ZGPAT: variants seen among roughly 807,000 people sequenced by gnomAD.
The protein encoded by ZGPAT is zinc finger CCCH-type and G-patch domain containing, also known as zinc finger CCCH-type with G patch domain-containing protein.
In ZGPAT, 39 loss-of-function variants were observed where a neutral mutation model predicts 47.9. That is an observed-to-expected ratio of 0.81 (90% confidence interval 0.63 to 1.06). ZGPAT has a LOEUF of 1.06. ZGPAT is among the 50% of genes least tolerant of loss of function. The pLI is 0.00. For missense variants in ZGPAT, 717 were observed against 681.4 expected, an observed-to-expected ratio of 1.05 and a Z score of -0.58; for synonymous variants, 348 against 292.9, an observed-to-expected ratio of 1.19 and a Z score of -1.92.
At chr20:63,722,570 G>T (rs941775287) in intron 2 of ZGPAT, among the ~76,000 whole-genome samples, 2 of 152,116 alleles carry the variant, frequency 1.3e-5, no homozygotes, top group African/African-American at 4.8e-5. Context: ...TTGCTCTAGA[G>T]ATGACAATGT....
At chr20:63,733,002 ATGTGCATG>A (rs1221067453) in intron 2 of ZGPAT, among the ~76,000 whole-genome samples, 2,027 of 149,222 alleles carry the variant, frequency 0.014, 22 homozygotes, top group Middle Eastern at 0.065. Context: ...GCGTGTGTAT[ATGTGCATG>A]TGTGTATGTG....
At chr20:63,712,586 T>C (rs1284765816) in intron 2 of ZGPAT, among the ~76,000 whole-genome samples, 4 of 129,776 alleles carry the variant, frequency 3.1e-5, no homozygotes, top group African/African-American at 5.7e-5. Context: ...TTGGGGCACA[T>C]TGTCATCTTT....
chr20:63,722,988 C>T (rs1467160644), intron 2 of ZGPAT, among the ~76,000 whole-genome samples: 10 of 152,212 alleles, frequency 6.6e-5, no homozygotes, highest in African/African-American at 2.4e-4. Flanking sequence ...TGACATAGTT[C>T]CCCCTCCATT....
intron 2 of ZGPAT, among the ~76,000 whole-genome samples, chr20:63,731,797 T>G (rs1220874233): frequency 6.6e-6 from 1 of 152,146 alleles, no homozygotes; most frequent in Non-Finnish European, 1.5e-5. Context: ...TCAACCAATC[T>G]CGAGTTGAAA....
upstream of ZGPAT, chr20:63,707,467 C>T (rs2091544055): frequency 1.1e-5 from 2 of 179,942 alleles, no homozygotes; most frequent in South Asian, 2.5e-4. Context: ...TGCAGCCCCG[C>T]CTGGGCCACG....
chr20:63,723,707 T>A (rs186874013), intron 2 of ZGPAT, among the ~76,000 whole-genome samples: 102 of 152,388 alleles, frequency 6.7e-4, no homozygotes, highest in Middle Eastern at 3.4e-3. Flanking sequence ...CATGTATTAT[T>A]GCCATATATA....
intron 2 of ZGPAT, among the ~76,000 whole-genome samples, chr20:63,725,801 C>T (rs1384418950): frequency 6.9e-6 from 1 of 144,000 alleles, no homozygotes; most frequent in Non-Finnish European, 1.5e-5. Context: ...TCTCCTTATT[C>T]CTCAAACTGG....
intron 4 of ZGPAT, chr20:63,733,962 G>A: frequency 1.7e-6 from 1 of 596,920 alleles, no homozygotes; most frequent in South Asian, 2.1e-5. Flanking sequence ...ATTGATGGGA[G>A]GCCATGGTCG....
At chr20:63,723,481 C>T (rs112602939) in intron 2 of ZGPAT, among the ~76,000 whole-genome samples, 3 of 141,358 alleles carry the variant, frequency 2.1e-5, no homozygotes, top group African/African-American at 5.3e-5. Flanking sequence ...TCTGACATAG[C>T]TCCATCCTCC....
At chr20:63,726,605 C>G (rs377016207) in intron 2 of ZGPAT, among the ~76,000 whole-genome samples, 1 of 152,138 alleles carries the variant, frequency 6.6e-6, no homozygotes, top group African/African-American at 2.4e-5. Flanking sequence ...TCACTGCAAC[C>G]TCCGCCTCCC....
intron 2 of ZGPAT, among the ~76,000 whole-genome samples, chr20:63,728,081 G>A (rs2091862699): frequency 6.7e-6 from 1 of 149,856 alleles, no homozygotes; most frequent in Non-Finnish European, 1.5e-5. Flanking sequence ...TATTGCCTAG[G>A]CTGGAGTGCC....
intron 2 of ZGPAT, among the ~76,000 whole-genome samples, chr20:63,716,922 T>G (rs1475016936): frequency 6.6e-6 from 1 of 152,208 alleles, no homozygotes; most frequent in Non-Finnish European, 1.5e-5. Context: ...CCTGAGGTGA[T>G]CCGCCCACCT....
At chr20:63,723,593 CTCCATCCTCCCTTCTCCTCTGACATAGT>C (rs2145669756) in intron 2 of ZGPAT, among the ~76,000 whole-genome samples, 4 of 147,038 alleles carry the variant, frequency 2.7e-5, no homozygotes, top group African/African-American at 1.0e-4. Context: ...TCTGACATAG[CTCCATCCTCCCTTCTCCTCTGACATAGT>C]TCCATCCTCC....
chr20:63,730,633 C>T (rs916676994), intron 2 of ZGPAT, among the ~76,000 whole-genome samples: 3 of 152,098 alleles, frequency 2.0e-5, no homozygotes, highest in Non-Finnish European at 2.9e-5. Flanking sequence ...TATAGGCACG[C>T]GCCACCACAC....
At chr20:63,731,390 C>T (rs979553555) in intron 2 of ZGPAT, among the ~76,000 whole-genome samples, 1 of 145,924 alleles carries the variant, frequency 6.9e-6, no homozygotes, top group Non-Finnish European at 1.5e-5. Flanking sequence ...GTAAAGTGTA[C>T]AGTTGGCCCT....
At position 63,708,853 on chromosome 20, in the gene ZGPAT, G is replaced by A. The variant is rs1176395886; in HGVS notation, c.273G>A (p.Glu91=). The A allele has an allele frequency of 1.2e-6, 2 of 1,607,104 alleles. No homozygotes were observed. The highest frequency in any genetic ancestry group is 1.7e-4 in the Middle Eastern group (1 of 6,046). ...GGGAGGCCATCACTGAGGCGGTGGA[G>A]GCACCAGCAGCGGCCCGTGGGTCCG... is the stretch of plus-strand genomic sequence containing the variant. ...AFREAITEAV[E]APAAARGSGS... Residue 91 remains glutamate, a synonymous_variant, in exon 2 of 7, where the codon GAG becomes GAA. Coordinates refer to ENST00000355969, the MANE Select transcript of ZGPAT (RefSeq NM_181485.3).
At chr20:63,725,187 T>A (rs868529584) in intron 2 of ZGPAT, among the ~76,000 whole-genome samples, 7 of 152,112 alleles carry the variant, frequency 4.6e-5, no homozygotes, top group South Asian at 4.1e-4. Flanking sequence ...GGTTTCACCG[T>A]GTTAGCCAGG....
intron 2 of ZGPAT, among the ~76,000 whole-genome samples, chr20:63,725,414 G>C (rs1031641023): frequency 1.3e-5 from 2 of 152,204 alleles, no homozygotes; most frequent in Admixed American, 1.3e-4. Flanking sequence ...TCTTTTCAGT[G>C]TTTAAAAGTG....
chr20:63,712,762 G>A (rs2091683155), intron 2 of ZGPAT, among the ~76,000 whole-genome samples: 1 of 152,060 alleles, frequency 6.6e-6, no homozygotes, highest in Admixed American at 6.6e-5. Flanking sequence ...AGTCGGAGGT[G>A]GTGCACACCT....
Sources: allele counts gnomAD v4.1 joint callset (sites outside exome capture counted in the v4.1 genomes callset), GRCh38; gene constraint gnomAD v4.1.1; transcripts MANE v1.5; gene names NCBI Gene and HGNC (gene_info 2026-07-23, HGNC 2026-07-21).